The following CACNA2D4 variants were observed in gnomAD, a reference collection of about 807,000 sequenced individuals.
CACNA2D4 encodes the protein calcium voltage-gated channel auxiliary subunit alpha2delta 4.
Under a neutral mutation model 163.8 loss-of-function variants are expected in CACNA2D4, and 157 were observed. The ratio of observed to expected loss-of-function variants is 0.96; its 90% CI spans 0.84 to 1.09. The LOEUF is 1.09. CACNA2D4 is among the 50% of genes least tolerant of loss of function. The probability of loss-of-function intolerance (pLI) is 0.00; values close to 1 mark genes in which losing one functional copy is unlikely to be tolerated. For missense variants in CACNA2D4, 1,410 were observed against 1,479.9 expected, an observed-to-expected ratio of 0.95 and a Z score of 0.78; for synonymous variants, 598 against 586.9, an observed-to-expected ratio of 1.02 and a Z score of -0.27.
chr12:1,873,373 G>C (rs1475782632), intron 18 of CACNA2D4, among the ~76,000 whole-genome samples: 1 of 152,136 alleles, frequency 6.6e-6, no homozygotes, highest in Non-Finnish European at 1.5e-5. Flanking sequence ...ATGGGCAGAG[G>C]TTTCAGAAGT....
At chr12:1,826,017 G>A (rs186676847) in intron 26 of CACNA2D4, among the ~76,000 whole-genome samples, 107 of 152,260 alleles carry the variant, frequency 7.0e-4, no homozygotes, top group African/African-American at 2.5e-3. Flanking sequence ...TGCGAGGGCC[G>A]TAGGTGTGGG....
chr12:1,908,060 A>G (rs1468386050), intron 4 of CACNA2D4, 23 bp from the exon 5 acceptor site: 2 of 1,596,114 alleles, frequency 1.3e-6, no homozygotes, highest in Admixed American at 3.4e-5. Flanking sequence ...GGTGAGGCCC[A>G]CGGAGGCGGC....
chr12:1,838,741 CCT>C (rs1194018397), intron 26 of CACNA2D4, among the ~76,000 whole-genome samples: 3 of 152,168 alleles, frequency 2.0e-5, no homozygotes, highest in East Asian at 3.9e-4. Context: ...AGCCTGACCC[CCT>C]GTCCCATCCT....
At chr12:1,814,682 T>C (rs569869108) in intron 26 of CACNA2D4, among the ~76,000 whole-genome samples, 11 of 152,320 alleles carry the variant, frequency 7.2e-5, no homozygotes, top group African/African-American at 2.6e-4. Context: ...TTTATAAATC[T>C]GTCCGCTTCC....
chr12:1,811,899 T>G (rs1592662937), intron 26 of CACNA2D4, 176 bp from the exon 27 acceptor site: 298 of 517,098 alleles, frequency 5.8e-4, no homozygotes, highest in Non-Finnish European at 6.8e-4. Flanking sequence ...GTGGGAGGGG[T>G]GGGGGAAGAA....
chr12:1,811,872 A>C, intron 26 of CACNA2D4, 149 bp from the exon 27 acceptor site: 11 of 670,734 alleles, frequency 1.6e-5, no homozygotes, highest in Non-Finnish European at 2.1e-5. Flanking sequence ...CAGAGTGCAA[A>C]CTGGGGTTTC....
chr12:1,801,371 C>T (rs1863319625), intron 30 of CACNA2D4, among the ~76,000 whole-genome samples: 1 of 152,202 alleles, frequency 6.6e-6, no homozygotes, highest in Non-Finnish European at 1.5e-5. Flanking sequence ...GCTGCGGAGC[C>T]CCTCCCAGGG....
intron 7 of CACNA2D4, 86 bp downstream of exon 7, chr12:1,886,923 G>T: frequency 1.1e-6 from 1 of 875,736 alleles, no homozygotes; most frequent in South Asian, 1.5e-5. Context: ...GTGGGGGAAG[G>T]GGCGGAAGTG....
In CACNA2D4 at chr12:1,801,053, GGCTGGGCTGCACTGT is replaced by G; in HGVS notation, c.2843_2857del (p.His948_Gln952del). On this transcript the variant is annotated inframe_deletion, in exon 31 of 38. Transcript: ENST00000382722. ...CTGGGTGACACTCACGCTGACCAGGGGCTGGGCTGCACTGTGGTGGTGACTCGAGGGTTTGCACAT... is the reference window on the plus strand; with the variant it reads ...CTGGGTGACACTCACGCTGACCAGGGGGTGGTGACTCGAGGGTTTGCACAT... 6.2e-7 allele frequency: 1 copy of G among 1,613,192 alleles called. No homozygotes were observed. The highest frequency in any genetic ancestry group is 8.5e-7 in the Non-Finnish European group (1 of 1,179,792).
At chr12:1,842,053 G>A (rs535621113) in intron 25 of CACNA2D4, among the ~76,000 whole-genome samples, 5 of 152,266 alleles carry the variant, frequency 3.3e-5, no homozygotes, top group South Asian at 4.1e-4. Flanking sequence ...ACCTTCCGTC[G>A]CATTTGTACC....
At chr12:1,810,252 C>CT (rs1348092859) in intron 29 of CACNA2D4, 26 bp downstream of exon 29, 1 of 1,595,066 alleles carries the variant, frequency 6.3e-7, no homozygotes, top group African/African-American at 1.3e-5. Context: ...CCCTCTCCCC[C>CT]TCATTCTATA....
intron 4 of CACNA2D4, among the ~76,000 whole-genome samples, chr12:1,908,879 G>T (rs527354923): frequency 1.4e-4 from 21 of 150,358 alleles, no homozygotes; most frequent in Non-Finnish European, 1.6e-4. Flanking sequence ...TCCCACGCCG[G>T]ACTGCGTCAC....
In CACNA2D4 at chr12:1,875,391, A is replaced by C. The variant is rs532791360; in HGVS notation, c.1720-54T>G. The C allele has an allele frequency of 1.8e-6, 2 of 1,102,220 alleles. No homozygotes were observed. The highest frequency in any genetic ancestry group is 3.1e-5 in the African/African-American group (2 of 65,136). The allele number at this position is 1,102,220 out of a possible 1,614,324, so 68.3% of individuals were successfully genotyped here. A position where few individuals can be genotyped will look rare whatever the true frequency, so the allele number is the denominator to read the frequency against. ...ATGTGGTCAGTATACGTCCTGCTCA[A>C]GTTTATCTCTTCTACAAAGCCTTTC... On this transcript the variant is annotated intron_variant, in intron 16 of 37. Transcript: ENST00000382722. The surrounding 1 kb of genome is among the most constrained non-coding windows in gnomAD (Gnocchi z 4.0).
chr12:1,892,700 G>A (rs1866314411), intron 6 of CACNA2D4, among the ~76,000 whole-genome samples: 1 of 151,966 alleles, frequency 6.6e-6, no homozygotes, highest in African/African-American at 2.4e-5. Context: ...TAGATTAGCT[G>A]AATGGTTTAA....
At chr12:1,805,406 C>A (rs1303185069) in intron 29 of CACNA2D4, among the ~76,000 whole-genome samples, 1 of 152,196 alleles carries the variant, frequency 6.6e-6, no homozygotes, top group Non-Finnish European at 1.5e-5. Flanking sequence ...GTAAATGTCC[C>A]ATGGCCTCCT....
In CACNA2D4 at chr12:1,853,879, G is replaced by C; in HGVS notation, c.2246+72C>G. 9 of 1,207,384 alleles carry C rather than the reference G, an allele frequency of 7.5e-6. No individual in the cohort carries two copies. In the South Asian group the frequency reaches 8.9e-5, roughly 12 times the overall value. The allele number at this position is 1,207,384 out of a possible 1,614,324, so 74.8% of individuals were successfully genotyped here. On this transcript the variant is annotated intron_variant, in intron 23 of 37. Transcript: ENST00000382722. ...TCCTGAGCCACCAGCCAGATGGTGA[G>C]AGGGGTCCCAACTTAGCCAAGGGAA...
In CACNA2D4 at chr12:1,793,755, T is replaced by G. The variant is rs1234352125; in HGVS notation, c.3314A>C (p.Asn1105Thr). Reference protein sequence around the residue: ...DSCHAFHPEENAQDCGGASDT... With the variant: ...DSCHAFHPEETAQDCGGASDT... ...CGAGGCGCCGCCGCAGTCCTGGGCA[T>G]TCTCCTGCGAACGCAGAGCAGAGGT... is the stretch of plus-strand genomic sequence containing the variant. The change falls in exon 38 of 38, where the codon AAT (asparagine) becomes ACT (threonine). Residue 1105 changes from asparagine to threonine, a missense_variant. By Grantham distance (65) the Asn-to-Thr change is moderately conservative. Transcript: ENST00000382722. The G allele has an allele frequency of 7.4e-6, 12 of 1,612,806 alleles. No individual in the cohort carries two copies. Among genetic ancestry groups the G allele is most frequent in the Non-Finnish European group, 1.0e-5 (12 of 1,179,734 alleles).
rs975339938 is a variant in CACNA2D4 at position 1,833,094 on chromosome 12, T to A, written c.2551+7645A>T. ...ACTGAATTCCCAGCACAAAAATGCA[T>A]GCCATGAGAATGTGCAGTTTTCAGA... On this transcript the variant is annotated intron_variant, in intron 26 of 37. Coordinates refer to ENST00000382722, the MANE Select transcript of CACNA2D4 (RefSeq NM_172364.5). The surrounding 1 kb of genome is among the most constrained non-coding windows in gnomAD (Gnocchi z 4.2). 2.6e-5 allele frequency among the ~76,000 whole-genome samples: 4 copies of A among 152,236 alleles called. No homozygotes were observed. The highest frequency in any genetic ancestry group is 7.2e-5 in the African/African-American group (3 of 41,468).
At position 1,907,529 on chromosome 12, in the gene CACNA2D4, T is replaced by A. The variant is rs1174284946; in HGVS notation, c.692A>T (p.Asn231Ile). Reference sequence around the variant, plus strand: ...CTGGAAGTTCTCCACGAAGACAGCATTCAAGGCTTCAGACATGTAGACTCC... The same window carrying A: ...CTGGAAGTTCTCCACGAAGACAGCAATCAAGGCTTCAGACATGTAGACTCC... ...LNGVYMSEAL[N>I]AVFVENFQRD... Residue 231 changes from asparagine (N) to isoleucine (I), a missense_variant, in exon 6 of 38, where the codon AAT becomes ATT. By Grantham distance (149) the Asn-to-Ile change is moderately radical. Transcript: ENST00000382722. 2 of 1,613,452 alleles carry A rather than the reference T, an allele frequency of 1.2e-6. No individual in the cohort carries two copies. Among genetic ancestry groups the A allele is most frequent in the Non-Finnish European group, 8.5e-7 (1 of 1,179,434 alleles).
Sources: gnomAD v4.1 joint callset for allele counts (sites outside exome capture counted in the v4.1 genomes callset) on GRCh38, gnomAD v4.1.1 for gene constraint, Gnocchi (gnomAD v3.1) non-coding constraint, MANE v1.5 for transcripts, NCBI Gene and HGNC (gene_info 2026-07-23, HGNC 2026-07-21) for gene names.